The following GLB1 variants were observed in gnomAD, a reference collection of about 807,000 sequenced individuals.
GLB1 encodes the protein beta-galactosidase.
Under a neutral mutation model 74.0 loss-of-function variants are expected in GLB1, and 56 were observed. The ratio of observed to expected loss-of-function variants is 0.76; its 90% CI spans 0.61 to 0.94. The LOEUF (loss-of-function observed/expected upper bound fraction) is 0.94, where lower values mean the gene tolerates loss of function less well. GLB1 is among the 40% of genes least tolerant of loss of function. The pLI, the probability that GLB1 is intolerant of heterozygous loss-of-function variation, is 0.00. For synonymous variants in GLB1, 323 were observed against 323.6 expected, an observed-to-expected ratio of 1.00 and a Z score of 0.02; for missense variants, 787 against 845.5, an observed-to-expected ratio of 0.93 and a Z score of 0.86.
At chr3:32,981,180 G>A in the GLB1 span, among the ~76,000 whole-genome samples, 6 of 148,768 alleles carry the variant, frequency 4.0e-5, no homozygotes, top group Admixed American at 2.0e-4. Context: ...AGAGATGGGC[G>A]GATCATGAGG....
the GLB1 span, among the ~76,000 whole-genome samples, chr3:32,977,145 G>A: frequency 6.6e-6 from 1 of 151,970 alleles, no homozygotes; most frequent in Non-Finnish European, 1.5e-5. Context: ...GAAACCATGA[G>A]AAAGTGAGCC....
At chr3:33,084,805 C>T (rs961821586) in intron 1 of GLB1, among the ~76,000 whole-genome samples, 13 of 151,986 alleles carry the variant, frequency 8.6e-5, no homozygotes, top group Middle Eastern at 3.2e-3. Flanking sequence ...CATATTTGGC[C>T]TAAGGATAAA....
At chr3:33,056,009 T>C (rs1699199334) in intron 6 of GLB1, among the ~76,000 whole-genome samples, 2 of 151,356 alleles carry the variant, frequency 1.3e-5, no homozygotes, top group African/African-American at 2.4e-5. Flanking sequence ...AGGCAGATCA[T>C]GTGAGGTTAG....
chr3:32,976,676 G>A, the GLB1 span, among the ~76,000 whole-genome samples: 5 of 152,088 alleles, frequency 3.3e-5, no homozygotes, highest in Non-Finnish European at 5.9e-5. Flanking sequence ...CCCTTAGCCC[G>A]TGGAAGCTTC....
At chr3:32,968,375 G>A in the GLB1 span, among the ~76,000 whole-genome samples, 2 of 152,178 alleles carry the variant, frequency 1.3e-5, no homozygotes, top group African/African-American at 4.8e-5. Context: ...CTGGTCAAGG[G>A]CTACTGCACC....
intron 9 of GLB1, among the ~76,000 whole-genome samples, chr3:33,047,743 T>A (rs1698798951): frequency 6.6e-6 from 1 of 152,146 alleles, no homozygotes; most frequent in Non-Finnish European, 1.5e-5. Context: ...AGGCTGAGGA[T>A]CAGATCAAGC....
intron 6 of GLB1, among the ~76,000 whole-genome samples, chr3:33,055,491 C>T (rs149066786): frequency 0.011 from 1,467 of 129,888 alleles, 12 homozygotes; most frequent in Non-Finnish European, 0.018. Context: ...GATGGAGTTT[C>T]GCTCTGTTGC....
At chr3:33,050,325 T>G (rs1361720360) in intron 9 of GLB1, among the ~76,000 whole-genome samples, 2 of 152,168 alleles carry the variant, frequency 1.3e-5, no homozygotes, top group South Asian at 4.1e-4. Context: ...AAACAGGAAT[T>G]CAAACAAATC....
At chr3:33,084,800 T>G (rs547828344) in intron 1 of GLB1, among the ~76,000 whole-genome samples, 152 of 152,264 alleles carry the variant, frequency 1.0e-3, no homozygotes, top group African/African-American at 3.5e-3. Context: ...TTGACCATAT[T>G]TGGCCTAAGG....
chr3:32,978,744 C>CTTTT, the GLB1 span, among the ~76,000 whole-genome samples: 1 of 143,968 alleles, frequency 6.9e-6, no homozygotes, highest in African/African-American at 2.5e-5. Flanking sequence ...CCCTGGTTTT[C>CTTTT]TTTTTTTTCT....
downstream of GLB1, among the ~76,000 whole-genome samples, chr3:32,993,098 T>G (rs536415625): frequency 1.5e-3 from 225 of 152,338 alleles, no homozygotes; most frequent in African/African-American, 5.3e-3. Flanking sequence ...GACTTCTTTT[T>G]CATAAAGGAG....
At chr3:32,979,782 G>A in the GLB1 span, among the ~76,000 whole-genome samples, 2 of 149,608 alleles carry the variant, frequency 1.3e-5, no homozygotes, top group African/African-American at 2.5e-5. Flanking sequence ...AGCCCAGGGG[G>A]TCAAGGCTGC....
chr3:32,961,686 C>G, the GLB1 span, among the ~76,000 whole-genome samples: 1 of 152,070 alleles, frequency 6.6e-6, no homozygotes, highest in Non-Finnish European at 1.5e-5. Flanking sequence ...AAAAATGACA[C>G]CATTGACTGT....
the GLB1 span, among the ~76,000 whole-genome samples, chr3:32,976,604 C>T: frequency 1.3e-5 from 2 of 152,100 alleles, no homozygotes; most frequent in Admixed American, 1.3e-4. Flanking sequence ...GCAGCAGTGC[C>T]GGGACTCTTC....
At chr3:33,008,283 C>A (rs187559230) in intron 15 of GLB1, among the ~76,000 whole-genome samples, 1 of 152,254 alleles carries the variant, frequency 6.6e-6, no homozygotes, top group African/African-American at 2.4e-5. Flanking sequence ...CTAGTTACCA[C>A]TTTTTGGCTG....
intron 1 of GLB1, among the ~76,000 whole-genome samples, chr3:33,080,769 T>C (rs1401047114): frequency 6.6e-6 from 1 of 152,238 alleles, no homozygotes; most frequent in East Asian, 1.9e-4. Context: ...TCCTATGCTC[T>C]TGGATCACTT....
chr3:32,974,198 T>C, the GLB1 span, among the ~76,000 whole-genome samples: 1 of 152,078 alleles, frequency 6.6e-6, no homozygotes, highest in Non-Finnish European at 1.5e-5. Flanking sequence ...GAAGACCTGA[T>C]TTTGGATTGC....
downstream of GLB1, among the ~76,000 whole-genome samples, chr3:32,994,556 A>G (rs937678163): frequency 2.0e-5 from 3 of 152,188 alleles, no homozygotes; most frequent in Non-Finnish European, 2.9e-5. Flanking sequence ...ATGTGTGCCC[A>G]TGAGAGGCAG....
Position 32,997,306 on chromosome 3 carries a change from A to G in GLB1, c.1773T>C (p.Tyr591=). ...VWINGFNLGR[Y]WPARGPQLTL... ...TCAACTGAGGGCCCCGGGCTGGCCA[A>G]TAGCGGCCAAGGTTAAAGCCATTAA... is the stretch of plus-strand genomic sequence containing the variant. The change falls in exon 16 of 16, where the codon TAT becomes TAC. Residue 591 remains tyrosine, a synonymous_variant. Transcript: ENST00000307363. 4 of 1,613,970 alleles carry G rather than the reference A, an allele frequency of 2.5e-6. No individual in the cohort carries two copies. Among genetic ancestry groups the G allele is most frequent in the Non-Finnish European group, 2.5e-6 (3 of 1,180,008 alleles).
Sources: gnomAD v4.1 joint callset for allele counts (sites outside exome capture counted in the v4.1 genomes callset) on GRCh38, gnomAD v4.1.1 for gene constraint, MANE v1.5 for transcripts, NCBI Gene and HGNC (gene_info 2026-07-23, HGNC 2026-07-21) for gene names.